The following LCA5L variants were observed in gnomAD, a reference collection of about 807,000 sequenced individuals.
LCA5L encodes lebercilin LCA5 like, also known as lebercilin-like protein.
LCA5L carries 35 observed loss-of-function variants against 45.4 expected under a neutral mutation model. The ratio of observed to expected loss-of-function variants is 0.77; its 90% CI spans 0.59 to 1.02. The LOEUF is 1.02. LCA5L is among the 50% of genes least tolerant of loss of function. The probability of loss-of-function intolerance (pLI) is 0.00; values close to 1 mark genes in which losing one functional copy is unlikely to be tolerated. For missense variants in LCA5L, 668 were observed against 761.6 expected (o/e 0.88, Z 1.45); for synonymous variants, 233 against 264.7 (o/e 0.88, Z 1.16).
In LCA5L at chr21:39,423,025, TTA is replaced by T; in HGVS notation, c.786_787del (p.His262GlnfsTer13). 2 of 1,614,114 alleles carry T rather than the reference TTA, an allele frequency of 1.2e-6. No homozygotes were observed. The highest frequency in any genetic ancestry group is 3.3e-5 in the Admixed American group (2 of 60,010). On this transcript the variant is annotated frameshift_variant, in exon 6 of 11. Transcript: ENST00000288350. LOFTEE classifies it high-confidence loss of function. The stretch of plus-strand genomic sequence containing the variant: ...CATTTTTGTTGTGATAATAGATAAT[TTA>T]TGAGTGAGTTCTTCCCTTTCTGCAA...
chr21:39,426,345 C>T (rs979958914), intron 5 of LCA5L, among the ~76,000 whole-genome samples: 47 of 152,096 alleles, frequency 3.1e-4, no homozygotes, highest in African/African-American at 1.1e-3. Flanking sequence ...ACTTAGAATT[C>T]GAAATGCAAT....
intron 3 of LCA5L, among the ~76,000 whole-genome samples, chr21:39,433,483 T>G (rs979597878): frequency 1.3e-5 from 2 of 150,638 alleles, no homozygotes; most frequent in Non-Finnish European, 1.5e-5. Context: ...TGACCTGAGG[T>G]CACAAAGATA....
intron 5 of LCA5L, among the ~76,000 whole-genome samples, chr21:39,426,646 A>G (rs1267505138): frequency 6.6e-6 from 1 of 152,232 alleles, no homozygotes; most frequent in East Asian, 1.9e-4. Flanking sequence ...TCTGCTTCAT[A>G]TTAGTTCAAA....
intron 8 of LCA5L, 47 bp downstream of exon 8, chr21:39,411,671 A>G: frequency 1.1e-6 from 1 of 948,020 alleles, no homozygotes; most frequent in Non-Finnish European, 1.6e-6. Flanking sequence ...GGAAAATCTG[A>G]CTAGATACTT....
intron 7 of LCA5L, among the ~76,000 whole-genome samples, chr21:39,418,240 A>T (rs2041645328): frequency 1.3e-5 from 2 of 152,166 alleles, no homozygotes; most frequent in Non-Finnish European, 1.5e-5. Context: ...GGACACAGCC[A>T]AACCATATCA....
At chr21:39,434,097 T>G (rs1293280741) in intron 3 of LCA5L, among the ~76,000 whole-genome samples, 1 of 152,166 alleles carries the variant, frequency 6.6e-6, no homozygotes, top group Non-Finnish European at 1.5e-5. Context: ...TCCTAAAATT[T>G]CTACCTATAT....
In LCA5L at chr21:39,410,026, C is replaced by T. The variant is rs1197517541; in HGVS notation, c.1235G>A (p.Cys412Tyr). 1.2e-6 allele frequency: 2 copies of T among 1,607,902 alleles called. No homozygotes were observed. The highest frequency in any genetic ancestry group is 1.3e-5 in the African/African-American group (1 of 74,790). ...STEINHEIPH[C>Y]VNKLPKQEDS... ...CTCTTGCTTTGGTAGTTTATTCACA[C>T]AGTGAGGAATTTCATGATTTATTTC... Residue 412 changes from cysteine to tyrosine, a missense_variant, in exon 10 of 11, where the codon TGT becomes TAT. By Grantham distance (194) the Cys-to-Tyr change is radical. Coordinates refer to ENST00000288350, the MANE Select transcript of LCA5L (RefSeq NM_152505.4).
rs1243082112 is a variant in LCA5L, at chr21:39,409,828, A to C, written c.1282+151T>G. 1.8e-6 allele frequency: 1 copy of C among 562,020 alleles called. No homozygotes were observed. The highest frequency in any genetic ancestry group is 1.9e-5 in the African/African-American group (1 of 52,148). The allele number at this position is 562,020 out of a possible 1,614,324, so 34.8% of individuals were successfully genotyped here. The stretch of plus-strand genomic sequence containing the variant: ...AGGCTGGTCTCAAACTCTTGACCTC[A>C]GGTGATCTGCCTGCCTTGGCCTCCC... On this transcript the variant is annotated intron_variant, in intron 10 of 10. Coordinates refer to ENST00000288350, the MANE Select transcript of LCA5L (RefSeq NM_152505.4). This position sits in a 1 kb window ranked among gnomAD's most constrained non-coding sequence, Gnocchi z 4.2.
In LCA5L at chr21:39,429,105, C is replaced by G. The variant is rs571761613; in HGVS notation, c.-11+26G>C. On this transcript the variant is annotated intron_variant, in intron 4 of 10. Transcript: ENST00000288350. ...TACTGCACTAAGGACAATACCACCA[C>G]AAGTATCTCTTTTATAGCAGCTTAC... 4 of 152,292 alleles carry G rather than the reference C, an allele frequency of 2.6e-5. No individual in the cohort carries two copies. The East Asian group carries it at 7.7e-4, about 29-fold the overall frequency. The allele number at this position is 152,292 out of a possible 1,614,324, so 9.4% of individuals were successfully genotyped here.
chr21:39,423,522 GTAAAATATACA>G, intron 5 of LCA5L, 32 bp from the exon 6 acceptor site: 1 of 1,508,766 alleles, frequency 6.6e-7, no homozygotes, highest in Non-Finnish European at 8.8e-7. Flanking sequence ...TTTATTACTA[GTAAAATATACA>G]GATATGCAAA....
In LCA5L at chr21:39,414,736, C is replaced by CTGTGTG. The variant is rs1445537335; in HGVS notation, c.976-2935_976-2934insCACACA. 2.4e-3 allele frequency among the ~76,000 whole-genome samples: 225 copies of CTGTGTG among 92,232 alleles called. 1 individual carries two copies. Among genetic ancestry groups the CTGTGTG allele is most frequent in the Middle Eastern group, 5.4e-3 (1 of 184 alleles). The allele number at this position is 92,232 out of a possible 152,430, so 60.5% of individuals were successfully genotyped here. On this transcript the variant is annotated intron_variant, in intron 7 of 10. Transcript: ENST00000288350. ...TCCCTCTCTCTCTCTCTCTCTCTCTCTCTCTCTGTGTGTGTGTGTGTGTGT... is the reference window on the plus strand; with the variant it reads ...TCCCTCTCTCTCTCTCTCTCTCTCTCTGTGTGTCTCTCTGTGTGTGTGTGTGTGTGT...
At chr21:39,439,149 C>T (rs1324492408) in intron 2 of LCA5L, among the ~76,000 whole-genome samples, 1 of 151,854 alleles carries the variant, frequency 6.6e-6, no homozygotes, top group African/African-American at 2.4e-5. Context: ...AGTGAGAAGG[C>T]TCTGTGATCA....
At position 39,423,029 on chromosome 21, in the gene LCA5L, G is replaced by C. The variant is rs777259976; in HGVS notation, c.784C>G (p.His262Asp). ...KNLAEREELT[H>D]KLSIITTKMD... is the part of the protein sequence containing the mutation. Reference sequence around the variant, plus strand: ...TTTGTTGTGATAATAGATAATTTATGAGTGAGTTCTTCCCTTTCTGCAAGG... The same window carrying C: ...TTTGTTGTGATAATAGATAATTTATCAGTGAGTTCTTCCCTTTCTGCAAGG... Residue 262 changes from histidine to aspartate, a missense_variant, in exon 6 of 11, where the codon CAT (histidine) becomes GAT (aspartate). His to Asp is a moderately conservative substitution (Grantham distance 81). Transcript: ENST00000288350. The C allele has an allele frequency of 3.7e-5, 59 of 1,614,034 alleles. No individual in the cohort carries two copies. In the South Asian group the frequency reaches 5.6e-4, roughly 15 times the overall value.
intron 7 of LCA5L, among the ~76,000 whole-genome samples, chr21:39,414,513 CTG>C (rs1337403301): frequency 1.1e-4 from 17 of 152,150 alleles, no homozygotes; most frequent in African/African-American, 4.1e-4. Flanking sequence ...ATGTGGCAGA[CTG>C]TATTTTCCTA....
At chr21:39,419,256 G>A (rs190270572) in intron 7 of LCA5L, among the ~76,000 whole-genome samples, 1 of 152,234 alleles carries the variant, frequency 6.6e-6, no homozygotes, top group African/African-American at 2.4e-5. Flanking sequence ...TGGGTGTGGT[G>A]GCTCACACCT....
At chr21:39,444,973 G>T (rs919064772) in intron 1 of LCA5L, among the ~76,000 whole-genome samples, 3 of 152,108 alleles carry the variant, frequency 2.0e-5, no homozygotes, top group African/African-American at 7.2e-5. Flanking sequence ...GGGGAGGGGC[G>T]AGGGCTGGGA....
Position 39,430,714 on chromosome 21 carries a change from C to T in LCA5L, c.-91-1503G>A, listed in dbSNP as rs369375628. ...GTAATCATTTCTAAGCTGCTTGCTC[C>T]GTGGGCTCTGACTGACACCACCAAT... On this transcript the variant is annotated intron_variant, in intron 3 of 10. Transcript: ENST00000288350. Among the ~76,000 whole-genome samples the T allele has an allele frequency of 2.2e-3, 341 of 152,254 alleles. 4 individuals carry two copies. Among genetic ancestry groups the T allele is most frequent in the African/African-American group, 7.3e-3 (304 of 41,532 alleles).
intron 7 of LCA5L, among the ~76,000 whole-genome samples, chr21:39,416,447 A>G (rs966373045): frequency 6.6e-6 from 1 of 152,156 alleles, no homozygotes; most frequent in Non-Finnish European, 1.5e-5. Flanking sequence ...TTGTATGACA[A>G]TACGTTCCAG....
At chr21:39,439,797 T>G (rs2076635370) in intron 2 of LCA5L, 1 of 152,070 alleles carries the variant, frequency 6.6e-6, no homozygotes, top group Non-Finnish European at 1.5e-5. Context: ...GTGAAGTAGT[T>G]GTAAGGGGGA....
Sources: gnomAD v4.1 joint callset for allele counts (sites outside exome capture counted in the v4.1 genomes callset) on GRCh38, gnomAD v4.1.1 for gene constraint, Gnocchi (gnomAD v3.1) non-coding constraint, MANE v1.5 for transcripts, NCBI Gene and HGNC (gene_info 2026-07-23, HGNC 2026-07-21) for gene names.